The following GNAS variants were observed in gnomAD, a reference collection of about 807,000 sequenced individuals.
GNAS encodes protein ALEX.
In GNAS, 8 loss-of-function variants were observed where a neutral mutation model predicts 54.5. That is an observed-to-expected ratio of 0.15 (90% CI 0.09 to 0.26). The LOEUF is 0.26. Ranked by LOEUF, GNAS falls within the 10% of genes least tolerant of loss-of-function variation. GNAS has a pLI of 1.00. For synonymous variants in GNAS, 204 were observed against 191.4 expected (o/e 1.07, Z -0.54); for missense variants, 170 against 529.8 (o/e 0.32, Z 6.67).
At chr20:58,903,846 C>G (rs2090861936) in intron 5 of GNAS, 55 bp downstream of exon 5, 2 of 1,601,216 alleles carry the variant, frequency 1.2e-6, no homozygotes, top group Non-Finnish European at 8.6e-7. Context: ...AGCACAGTGT[C>G]CATATAGGAA....
intron 5 of GNAS, among the ~76,000 whole-genome samples, chr20:58,904,372 A>G (rs2090899164): frequency 6.6e-6 from 1 of 152,252 alleles, no homozygotes; most frequent in African/African-American, 2.4e-5. Context: ...AAAATGAAAT[A>G]TATCTAAATC....
chr20:58,845,553 C>T (rs1167455646), intron 1 of GNAS, among the ~76,000 whole-genome samples: 1 of 152,098 alleles, frequency 6.6e-6, no homozygotes, highest in Non-Finnish European at 1.5e-5. Context: ...ACAAAAAAAT[C>T]TGGTTCTGTC....
chr20:58,885,465 TG>T (rs2088530049), intron 1 of GNAS, among the ~76,000 whole-genome samples: 6 of 152,376 alleles, frequency 3.9e-5, no homozygotes, highest in Admixed American at 2.6e-4. Flanking sequence ...AATGAGTTGA[TG>T]GATAATAAAT....
intron 1 of GNAS, chr20:58,892,303 A>G (rs896391815): frequency 2.6e-6 from 1 of 385,792 alleles, no homozygotes; most frequent in African/African-American, 2.6e-5. Flanking sequence ...TGGCGGGTAG[A>G]GGGAGGGGGA....
intron 1 of GNAS, chr20:58,855,427 T>A: frequency 9.0e-7 from 1 of 1,116,660 alleles, no homozygotes; most frequent in Non-Finnish European, 1.3e-6. Context: ...GGCTCCGCAG[T>A]GGGAGGAGGG....
At chr20:58,847,932 T>C (rs535264801) in intron 1 of GNAS, among the ~76,000 whole-genome samples, 1 of 152,316 alleles carries the variant, frequency 6.6e-6, no homozygotes, top group South Asian at 2.1e-4. Context: ...AAAGCATCAA[T>C]AGAGAGGTGA....
At chr20:58,867,800 T>C (rs2087149427) in intron 1 of GNAS, among the ~76,000 whole-genome samples, 2 of 151,938 alleles carry the variant, frequency 1.3e-5, no homozygotes, top group Admixed American at 6.6e-5. Context: ...ATTTGATGAG[T>C]TGTCAGGGAA....
chr20:58,840,912 GAGCC>G lies in GNAS; in HGVS notation c.43+27_43+30del. 1 of 1,610,238 alleles carries G rather than the reference GAGCC, an allele frequency of 6.2e-7. No individual in the cohort carries two copies. Among genetic ancestry groups the G allele is most frequent in the Non-Finnish European group, 8.5e-7 (1 of 1,178,650 alleles). On this transcript the variant is annotated intron_variant, in intron 1 of 12. Transcript: ENST00000306090. This position sits in a 1 kb window ranked among gnomAD's most constrained non-coding sequence, Gnocchi z 6.0. ...GTTAGTTGCCCACCGCTAAACTGGGGAGCCTGAGGGCGGTGTGGGAGCAGCGCAG... is the reference window on the plus strand; with the variant it reads ...GTTAGTTGCCCACCGCTAAACTGGGGTGAGGGCGGTGTGGGAGCAGCGCAG...
intron 1 of GNAS, 129 bp downstream of exon 1, chr20:58,891,994 T>G (rs1421367986): frequency 6.7e-6 from 5 of 745,508 alleles, no homozygotes; most frequent in Non-Finnish European, 8.1e-6. Flanking sequence ...TCGCGGGCTC[T>G]GTCTGTGGGG....
In GNAS at chr20:58,854,997, G is replaced by A. The variant is rs753954316; in HGVS notation, c.43+14111G>A. On this transcript the variant is annotated intron_variant, in intron 1 of 12. Coordinates refer to the GNAS transcript ENST00000306090. ...GGCCAGCAGCGACGATGACTCCAGC[G>A]GAGACGAGTCCGACGATGGGACCTC... 6.8e-6 allele frequency: 11 copies of A among 1,612,494 alleles called. No individual in the cohort carries two copies. Among genetic ancestry groups the A allele is most frequent in the South Asian group, 3.3e-5 (3 of 91,080 alleles).
intron 3 of GNAS, among the ~76,000 whole-genome samples, chr20:58,901,342 C>G (rs2090584007): frequency 6.6e-6 from 1 of 152,184 alleles, no homozygotes; most frequent in African/African-American, 2.4e-5. Flanking sequence ...TGATTCTGCA[C>G]ATACAAAGCA....
In GNAS at chr20:58,911,106, A is replaced by C. The variant is rs1008508751; in HGVS notation, c.*277A>C. 2 of 585,740 alleles carry C rather than the reference A, an allele frequency of 3.4e-6. No individual in the cohort carries two copies. Among genetic ancestry groups the C allele is most frequent in the Admixed American group, 2.4e-5 (1 of 41,616 alleles). 36.3% of individuals were successfully genotyped at this position (585,740 alleles called of 1,614,324 possible). On this transcript the variant is annotated 3_prime_UTR_variant, in exon 13 of 13. Coordinates refer to ENST00000371085, the MANE Select transcript of GNAS (RefSeq NM_000516.7). Reference sequence around the variant, plus strand: ...ATAAAACAGCAGCAGCAAACAAATAAAATGAAATAAAAGAAACAAATGAAA... The same window carrying C: ...ATAAAACAGCAGCAGCAAACAAATACAATGAAATAAAAGAAACAAATGAAA...
At position 58,863,443 on chromosome 20, in the gene GNAS, G is replaced by A. The variant is rs2086881632; in HGVS notation, c.43+22557G>A. 1 of 152,146 alleles carries A rather than the reference G, an allele frequency of 6.6e-6. No homozygotes were observed. Among genetic ancestry groups the A allele is most frequent in the African/African-American group, 2.4e-5 (1 of 41,426 alleles). 9.4% of individuals were successfully genotyped at this position (152,146 alleles called of 1,614,324 possible). On this transcript the variant is annotated intron_variant, in intron 1 of 12. Transcript: ENST00000306090. The surrounding 1 kb of genome is among the most constrained non-coding windows in gnomAD (Gnocchi z 4.1). ...TTAATGATTCAATTTGGGGCGAGGA[G>A]AGAGGTATAAAGGTAGTATAAATTG...
chr20:58,879,420 G>A (rs1204288830), intron 1 of GNAS, among the ~76,000 whole-genome samples: 1 of 152,180 alleles, frequency 6.6e-6, no homozygotes, highest in Non-Finnish European at 1.5e-5. Flanking sequence ...GCCTGCAGAT[G>A]TCCTGTTCTG....
rs561095651 is a variant in GNAS, at chr20:58,908,167, T to A, written c.531-995T>A. ...AATAAACTTTTCTCTCTTTATGATT[T>A]TCTTTTCTCGTTAGCCCGCTTTAAA... On this transcript the variant is annotated intron_variant, in intron 6 of 12. Coordinates refer to ENST00000371085, the MANE Select transcript of GNAS (RefSeq NM_000516.7). Among the ~76,000 whole-genome samples, 4 of 152,320 alleles carry A rather than the reference T, an allele frequency of 2.6e-5. No homozygotes were observed. In the East Asian group the frequency reaches 7.7e-4, roughly 29 times the overall value.
intron 1 of GNAS, among the ~76,000 whole-genome samples, chr20:58,849,780 G>C (rs1022939345): frequency 6.6e-6 from 1 of 152,154 alleles, no homozygotes; most frequent in African/African-American, 2.4e-5. Flanking sequence ...TTCCTTCACC[G>C]TGCTAGGTCT....
intron 2 of GNAS, chr20:58,897,568 A>G (rs1418823592): frequency 6.6e-6 from 1 of 152,214 alleles, no homozygotes; most frequent in African/African-American, 2.4e-5. Context: ...AGATTGCCCT[A>G]AAATTTAAAA....
At chr20:58,898,886 G>C in intron 2 of GNAS, 55 bp from the exon 3 acceptor site, 3 of 1,435,440 alleles carry the variant, frequency 2.1e-6, no homozygotes, top group East Asian at 2.3e-5. Context: ...TGTGGGGTTT[G>C]TGTGACACTG....
At chr20:58,854,004 G>T in intron 1 of GNAS, 2 of 1,611,804 alleles carry the variant, frequency 1.2e-6, no homozygotes, top group Non-Finnish European at 1.7e-6. Context: ...CCGAGTTATC[G>T]CACAAGTCGA....
Sources: gnomAD v4.1 joint callset for allele counts (sites outside exome capture counted in the v4.1 genomes callset) on GRCh38, gnomAD v4.1.1 for gene constraint, Gnocchi (gnomAD v3.1) non-coding constraint, MANE v1.5 for transcripts, NCBI Gene and HGNC (gene_info 2026-07-23, HGNC 2026-07-21) for gene names.